RMND5A: variants seen among roughly 807,000 people sequenced by gnomAD.
RMND5A encodes the protein required for meiotic nuclear division 5 homolog A, also known as E3 ubiquitin-protein transferase RMND5A.
A neutral mutation model predicts 49.7 loss-of-function variants in RMND5A; 17 were observed. That is an observed-to-expected ratio of 0.34 (90% CI 0.23 to 0.51). RMND5A has a LOEUF of 0.51. Among genes scored for constraint, RMND5A ranks in the 20% least tolerant of loss-of-function variants. The probability of loss-of-function intolerance (pLI) is 0.96; values close to 1 mark genes in which losing one functional copy is unlikely to be tolerated. For synonymous variants in RMND5A, 156 were observed against 167.7 expected (o/e 0.93, Z 0.54); for missense variants, 255 against 471.3 (o/e 0.54, Z 4.25).
chr2:86,759,616 C>G (rs1681809498), intron 4 of RMND5A, among the ~76,000 whole-genome samples: 2 of 150,448 alleles, frequency 1.3e-5, no homozygotes, highest in Non-Finnish European at 3.0e-5. Flanking sequence ...TTGCTTGCCC[C>G]CCCGCCCCCC....
chr2:86,763,507 C>T (rs867074999), intron 4 of RMND5A, among the ~76,000 whole-genome samples: 3 of 152,220 alleles, frequency 2.0e-5, no homozygotes, highest in Middle Eastern at 3.4e-3. Flanking sequence ...TGGCCAGGCA[C>T]GGAAGCTCAC....
intron 2 of RMND5A, among the ~76,000 whole-genome samples, chr2:86,750,129 T>C (rs1681608136): frequency 6.6e-6 from 1 of 152,222 alleles, no homozygotes; most frequent in Non-Finnish European, 1.5e-5. Context: ...AAACATTTAT[T>C]AGGGAGCAAT....
At chr2:86,751,709 C>T (rs1342986349) in intron 2 of RMND5A, among the ~76,000 whole-genome samples, 187 bp from the exon 3 acceptor site, 1 of 152,056 alleles carries the variant, frequency 6.6e-6, no homozygotes, top group African/African-American at 2.4e-5. Flanking sequence ...TAAAAATATA[C>T]CTATTTACTC....
At chr2:86,765,499 G>A (rs974974937) in intron 5 of RMND5A, 3 of 354,642 alleles carry the variant, frequency 8.5e-6, no homozygotes, top group Admixed American at 4.5e-5. Flanking sequence ...CCACAGCAAA[G>A]TGTCAGAGAG....
chr2:86,760,225 G>T (rs937314862), intron 4 of RMND5A, among the ~76,000 whole-genome samples: 1 of 152,110 alleles, frequency 6.6e-6, no homozygotes, highest in South Asian at 2.1e-4. Flanking sequence ...TGTATTTTCA[G>T]TAGAGATGGG....
At chr2:86,747,465 GTCT>G (rs1681557525) in intron 2 of RMND5A, among the ~76,000 whole-genome samples, 1 of 152,174 alleles carries the variant, frequency 6.6e-6, no homozygotes, top group African/African-American at 2.4e-5. Flanking sequence ...CAGAATCCAG[GTCT>G]TCTTACTCTG....
In RMND5A at chr2:86,751,974, A is replaced by ATGG. The variant is rs1455118746; in HGVS notation, c.368_370dup (p.Val123dup). ...CAGCCAAAGGCTTCTCAATGAGGTG[A>ATGG]TGGTGGAGCACTTCTTTCGACAAGG... is the stretch of plus-strand genomic sequence containing the variant. On this transcript the variant is annotated inframe_insertion, in exon 3 of 9. Coordinates refer to ENST00000283632, the MANE Select transcript of RMND5A (RefSeq NM_022780.4). 1 of 1,613,658 alleles carries ATGG rather than the reference A, an allele frequency of 6.2e-7. No individual in the cohort carries two copies. The highest frequency in any genetic ancestry group is 8.5e-7 in the Non-Finnish European group (1 of 1,179,814).
At chr2:86,771,379 G>A (rs1672682737) in intron 7 of RMND5A, 179 bp from the exon 8 acceptor site, 4 of 492,800 alleles carry the variant, frequency 8.1e-6, no homozygotes, top group Non-Finnish European at 1.0e-5. Context: ...AATCTTGAAG[G>A]CTAATTTAAC....
At chr2:86,762,080 AG>A (rs1158241903) in intron 4 of RMND5A, among the ~76,000 whole-genome samples, 2 of 152,236 alleles carry the variant, frequency 1.3e-5, no homozygotes, top group Non-Finnish European at 2.9e-5. Context: ...TAGCTTAAAA[AG>A]TTACTGCCTT....
At chr2:86,755,588 T>A (rs1681719824) in intron 4 of RMND5A, among the ~76,000 whole-genome samples, 1 of 152,268 alleles carries the variant, frequency 6.6e-6, no homozygotes, top group South Asian at 2.1e-4. Flanking sequence ...GTACTATGAC[T>A]ATATCTGTAG....
At chr2:86,753,434 T>C (rs570731850) in intron 3 of RMND5A, 24 bp from the exon 4 acceptor site, 1 of 1,375,920 alleles carries the variant, frequency 7.3e-7, no homozygotes, top group South Asian at 1.2e-5. Flanking sequence ...CTAACAAAAG[T>C]TCTTTCTTTC....
At chr2:86,745,587 C>T (rs1415728461) in intron 2 of RMND5A, among the ~76,000 whole-genome samples, 1 of 151,990 alleles carries the variant, frequency 6.6e-6, no homozygotes, top group Non-Finnish European at 1.5e-5. Flanking sequence ...TGATGGAAGG[C>T]CTGAGAGGTG....
At chr2:86,732,748 C>A (rs1573429120) in intron 1 of RMND5A, among the ~76,000 whole-genome samples, 1 of 137,598 alleles carries the variant, frequency 7.3e-6, no homozygotes, top group Non-Finnish European at 1.5e-5. Context: ...AAAAAAGAAA[C>A]TGTCTCAAAA....
chr2:86,764,826 C>A (rs575017652), intron 4 of RMND5A, among the ~76,000 whole-genome samples: 1 of 152,286 alleles, frequency 6.6e-6, no homozygotes, highest in East Asian at 1.9e-4. Context: ...CTTTTTCTTT[C>A]ACTGGCTGAA....
intron 2 of RMND5A, among the ~76,000 whole-genome samples, chr2:86,743,763 A>G (rs1487739472): frequency 1.3e-5 from 2 of 152,054 alleles, no homozygotes; most frequent in African/African-American, 4.8e-5. Context: ...AGGCAGGCGG[A>G]TCACCTGAGG....
At chr2:86,756,262 G>A (rs1681737536) in intron 4 of RMND5A, among the ~76,000 whole-genome samples, 3 of 152,030 alleles carry the variant, frequency 2.0e-5, no homozygotes, top group Admixed American at 6.5e-5. Flanking sequence ...GTATGGTGGT[G>A]TACGCCTGTA....
chr2:86,761,648 G>A (rs1028299154), intron 4 of RMND5A, among the ~76,000 whole-genome samples: 3 of 152,106 alleles, frequency 2.0e-5, no homozygotes, highest in African/African-American at 7.2e-5. Flanking sequence ...AGTTAAATGA[G>A]GACAGTATTG....
At chr2:86,720,916 T>C (rs2104379231) in intron 1 of RMND5A, 107 bp downstream of exon 1, 3 of 1,097,496 alleles carry the variant, frequency 2.7e-6, no homozygotes, top group Admixed American at 6.5e-5. Context: ...GGCCCGGCCC[T>C]TGCCTCCCCT....
At chr2:86,745,301 T>C (rs1401292276) in intron 2 of RMND5A, among the ~76,000 whole-genome samples, 3 of 152,220 alleles carry the variant, frequency 2.0e-5, no homozygotes, top group African/African-American at 7.2e-5. Flanking sequence ...GATTGCTGTT[T>C]TGTATATGTA....
Sources: gnomAD v4.1 joint callset for allele counts (sites outside exome capture counted in the v4.1 genomes callset) on GRCh38, gnomAD v4.1.1 for gene constraint, MANE v1.5 for transcripts, NCBI Gene and HGNC (gene_info 2026-07-23, HGNC 2026-07-21) for gene names.